CRTAP: variants seen among roughly 807,000 people sequenced by gnomAD.
CRTAP encodes cartilage-associated protein.
Under a neutral mutation model 42.7 loss-of-function variants are expected in CRTAP, and 33 were observed. That is an observed-to-expected ratio of 0.77 (90% CI 0.59 to 1.03). CRTAP has a LOEUF of 1.03. Ranked by LOEUF, CRTAP falls within the 50% of genes least tolerant of loss-of-function variation. CRTAP has a pLI of 0.00. For missense variants in CRTAP, 613 were observed against 533.9 expected (o/e 1.15, Z -1.46); for synonymous variants, 243 against 217.7 (o/e 1.12, Z -1.02).
chr3:33,130,392 T>C (rs1485466695), intron 4 of CRTAP, among the ~76,000 whole-genome samples: 1 of 152,238 alleles, frequency 6.6e-6, no homozygotes, highest in Non-Finnish European at 1.5e-5. Flanking sequence ...GTCTGGGGTA[T>C]TCCCACACTG....
chr3:33,128,928 C>T (rs1416114097), intron 3 of CRTAP, among the ~76,000 whole-genome samples: 1 of 152,266 alleles, frequency 6.6e-6, no homozygotes, highest in African/African-American at 2.4e-5. Flanking sequence ...TCATTGGCCA[C>T]GACTAGTCAT....
chr3:33,123,910 C>T (rs1286957178), intron 2 of CRTAP, among the ~76,000 whole-genome samples: 2 of 152,018 alleles, frequency 1.3e-5, no homozygotes, highest in African/African-American at 2.4e-5. Context: ...TTTTTCTTTT[C>T]GTTCCATTTT....
At chr3:33,124,034 C>A (rs1035964979) in intron 2 of CRTAP, among the ~76,000 whole-genome samples, 23 of 152,046 alleles carry the variant, frequency 1.5e-4, no homozygotes, top group Non-Finnish European at 1.3e-4. Flanking sequence ...ATCATAGTTA[C>A]GACATAGAAT....
chr3:33,126,961 T>C (rs2030089278), intron 3 of CRTAP, among the ~76,000 whole-genome samples: 1 of 152,230 alleles, frequency 6.6e-6, no homozygotes, highest in Non-Finnish European at 1.5e-5. Context: ...TATGCTTTAG[T>C]CTGGCTTAGT....
rs896763854 is a variant in CRTAP at position 33,114,574 on chromosome 3, G to T, written c.471+26G>T. ...GCAAGTCCGCCTCGCCCCGTCCCAG[G>T]CCCCGGCCCCGCCCCTGACCCAGCC... On this transcript the variant is annotated intron_variant, in intron 1 of 6. Coordinates refer to ENST00000320954, the MANE Select transcript of CRTAP (RefSeq NM_006371.5). 6.8e-5 allele frequency: 105 copies of T among 1,550,902 alleles called. No homozygotes were observed. In the Admixed American group the frequency reaches 2.0e-3, roughly 29 times the overall value.
intron 1 of CRTAP, among the ~76,000 whole-genome samples, chr3:33,118,014 G>A (rs560134589): frequency 1.4e-3 from 219 of 151,120 alleles, no homozygotes; most frequent in African/African-American, 4.2e-3. Flanking sequence ...AGACTGGAGT[G>A]CAGTGGTGCG....
chr3:33,141,861 C>T (rs140534588), intron 6 of CRTAP, among the ~76,000 whole-genome samples: 2,591 of 152,322 alleles, frequency 0.017, 71 homozygotes, highest in African/African-American at 0.058. Flanking sequence ...CTGTGTGTCT[C>T]TCCTGTAAGA....
intron 4 of CRTAP, among the ~76,000 whole-genome samples, chr3:33,130,479 TGTTA>T (rs1197010005): frequency 1.3e-5 from 2 of 152,044 alleles, no homozygotes; most frequent in Non-Finnish European, 2.9e-5. Flanking sequence ...CTTTTCAGAC[TGTTA>T]GAGTTTATTT....
intron 1 of CRTAP, among the ~76,000 whole-genome samples, chr3:33,115,655 T>A (rs1383441268): frequency 6.6e-6 from 1 of 152,230 alleles, no homozygotes; most frequent in Non-Finnish European, 1.5e-5. Flanking sequence ...TTGTGTTTTT[T>A]AAAATTACTA....
rs2030723181 is a variant in CRTAP, at chr3:33,146,350, A to G, written c.*3902A>G. 6.6e-6 allele frequency: 1 copy of G among 152,248 alleles called. No homozygotes were observed. The highest frequency in any genetic ancestry group is 1.5e-5 in the Non-Finnish European group (1 of 68,158). The allele number at this position is 152,248 out of a possible 1,614,324, so 9.4% of individuals were successfully genotyped here. A position where few individuals can be genotyped will look rare whatever the true frequency, so the allele number is the denominator to read the frequency against. ...GGGAGGCCGCCCATCGTGGTGGGGC[A>G]TCTGTCCAGCCCCATTGCCACTCAG... On this transcript the variant is annotated 3_prime_UTR_variant, in exon 7 of 7. Transcript: ENST00000320954.
chr3:33,114,799 C>A (rs555720255), intron 1 of CRTAP, among the ~76,000 whole-genome samples: 22 of 152,382 alleles, frequency 1.4e-4, no homozygotes, highest in African/African-American at 5.3e-4. Flanking sequence ...CAGCGCCAGG[C>A]ACCCAACAAA....
At chr3:33,118,692 C>A (rs529491491) in intron 1 of CRTAP, among the ~76,000 whole-genome samples, 1 of 152,264 alleles carries the variant, frequency 6.6e-6, no homozygotes, top group Non-Finnish European at 1.5e-5. Flanking sequence ...GGCTGAGTCT[C>A]TGTGCACATG....
chr3:33,134,360 T>C, intron 6 of CRTAP, 95 bp downstream of exon 6: 1 of 863,704 alleles, frequency 1.2e-6, no homozygotes, highest in Non-Finnish European at 2.0e-6. Context: ...CTCCCTGAAG[T>C]AAGAAACAGA....
chr3:33,138,525 G>A (rs1170273273), intron 6 of CRTAP, among the ~76,000 whole-genome samples: 1 of 151,880 alleles, frequency 6.6e-6, no homozygotes, highest in African/African-American at 2.4e-5. Context: ...TCTTTTTGAT[G>A]CTATTATAAA....
In CRTAP at chr3:33,122,730, A is replaced by AG. The variant is rs1189882951; in HGVS notation, c.622-1678_622-1677insG. ...GTCTCAAAAAAAAAAAAAAAAAAAA[A>AG]AAGAAGAAGAAAATCCACTGTCTTT... is the stretch of plus-strand genomic sequence containing the variant. On this transcript the variant is annotated intron_variant, in intron 2 of 6. Transcript: ENST00000320954. Among the ~76,000 whole-genome samples the AG allele has an allele frequency of 3.4e-5, 4 of 119,136 alleles. No homozygotes were observed. In the East Asian group the frequency reaches 6.9e-4, roughly 21 times the overall value. The allele number at this position is 119,136 out of a possible 152,430, so 78.2% of individuals were successfully genotyped here. A position where few individuals can be genotyped will look rare whatever the true frequency, so the allele number is the denominator to read the frequency against.
intron 2 of CRTAP, among the ~76,000 whole-genome samples, chr3:33,123,688 G>C (rs1205452849): frequency 7.3e-6 from 1 of 137,192 alleles, no homozygotes; most frequent in Non-Finnish European, 1.5e-5. Flanking sequence ...GGAGTACAGT[G>C]GCACAATCTC....
rs1372534620 is a variant in CRTAP at position 33,142,846 on chromosome 3, G to A, written c.*398G>A. ...ATTTTGTATTTTTAGTAGAGACGGG[G>A]TTTTGCCATGTTGGCCAGGCTGGTC... is the stretch of plus-strand genomic sequence containing the variant. On this transcript the variant is annotated 3_prime_UTR_variant, in exon 7 of 7. Transcript: ENST00000320954. The A allele has an allele frequency of 8.9e-6, 2 of 224,292 alleles. No individual in the cohort carries two copies. 13.9% of individuals were successfully genotyped at this position (224,292 alleles called of 1,614,324 possible).
At chr3:33,121,873 G>A (rs2029883989) in intron 2 of CRTAP, among the ~76,000 whole-genome samples, 1 of 152,122 alleles carries the variant, frequency 6.6e-6, no homozygotes, top group South Asian at 2.1e-4. Flanking sequence ...AGCGGACCCA[G>A]GACCCCAACA....
chr3:33,121,866 G>A (rs1055339647), intron 2 of CRTAP, among the ~76,000 whole-genome samples: 8 of 152,062 alleles, frequency 5.3e-5, no homozygotes, highest in African/African-American at 1.2e-4. Flanking sequence ...TGCTGGGAGC[G>A]GACCCAGGAC....
Sources: allele counts gnomAD v4.1 joint callset (sites outside exome capture counted in the v4.1 genomes callset), GRCh38; gene constraint gnomAD v4.1.1; transcripts MANE v1.5; gene names NCBI Gene and HGNC (gene_info 2026-07-23, HGNC 2026-07-21).